The following SEC22A variants were observed in gnomAD, a reference collection of about 807,000 sequenced individuals.
The protein encoded by SEC22A is vesicle-trafficking protein SEC22a.
In SEC22A, 22 loss-of-function variants were observed where a neutral mutation model predicts 35.3. That is an observed-to-expected ratio of 0.62 (90% CI 0.45 to 0.89). SEC22A has a LOEUF of 0.89. SEC22A is among the 40% of genes least tolerant of loss of function. SEC22A has a pLI of 0.00. For missense variants in SEC22A, 354 were observed against 362.5 expected (o/e 0.98, Z 0.19); for synonymous variants, 119 against 129.5 (o/e 0.92, Z 0.55).
At chr3:123,259,199 A>C (rs556385611) in intron 5 of SEC22A, among the ~76,000 whole-genome samples, 1 of 152,296 alleles carries the variant, frequency 6.6e-6, no homozygotes, top group Non-Finnish European at 1.5e-5. Context: ...GGGGTGTTGT[A>C]CATTTTTACA....
intron 6 of SEC22A, among the ~76,000 whole-genome samples, chr3:123,264,572 A>G (rs1409513575): frequency 6.6e-6 from 1 of 150,736 alleles, no homozygotes; most frequent in Non-Finnish European, 1.5e-5. Flanking sequence ...GATGCTAAAC[A>G]TTGTTTCATG....
chr3:123,225,296 T>C lies in SEC22A; in HGVS notation c.540T>C (p.Ser180=). 6.3e-7 allele frequency: 1 copy of C among 1,584,586 alleles called. No individual in the cohort carries two copies. The highest frequency in any genetic ancestry group is 8.6e-7 in the Non-Finnish European group (1 of 1,160,220). ...VDCKGAGKIS[S]AHQRLEPATL... Reference sequence around the variant, plus strand: ...GTAAAGGTGCTGGTAAGATTTCTTCTGGTGAGTTCTGGATCTCAGTTATTT... The same window carrying C: ...GTAAAGGTGCTGGTAAGATTTCTTCCGGTGAGTTCTGGATCTCAGTTATTT... The change falls in exon 4 of 7, where the codon TCT becomes TCC. Residue 180 remains serine (S), a splice_region_variant and synonymous_variant. Coordinates refer to ENST00000492595, the MANE Select transcript of SEC22A (RefSeq NM_012430.5).
rs533386545 is a variant in SEC22A, at chr3:123,260,131, C to CAAAAA, written c.723+576_723+580dup. On this transcript the variant is annotated intron_variant, in intron 6 of 6. Transcript: ENST00000492595. ...TGGGCAACAGAGCGAGACTACATCTCAAAAAAAAAAAAAAAAAAAAAAAAA... is the reference window on the plus strand; with the variant it reads ...TGGGCAACAGAGCGAGACTACATCTCAAAAAAAAAAAAAAAAAAAAAAAAAAAAAA... Among the ~76,000 whole-genome samples, 13 of 49,784 alleles carry CAAAAA rather than the reference C, an allele frequency of 2.6e-4. 3 individuals carry two copies. The highest frequency in any genetic ancestry group is 1.3e-3 in the African/African-American group (13 of 10,160). The allele number at this position is 49,784 out of a possible 152,430, so 32.7% of individuals were successfully genotyped here. A position where few individuals can be genotyped will look rare whatever the true frequency, so the allele number is the denominator to read the frequency against.
At chr3:123,259,634 A>T in intron 6 of SEC22A, 45 bp downstream of exon 6, 1 of 1,291,706 alleles carries the variant, frequency 7.7e-7, no homozygotes, top group Admixed American at 1.7e-5. Context: ...ATTATTGTTT[A>T]CTTCGGGTAT....
chr3:123,236,175 A>T (rs897497674), intron 4 of SEC22A, among the ~76,000 whole-genome samples: 1 of 152,202 alleles, frequency 6.6e-6, no homozygotes, highest in African/African-American at 2.4e-5. Flanking sequence ...TGTGTGTTTT[A>T]AAAGTATTAA....
Position 123,211,420 on chromosome 3 carries a change from T to G in SEC22A, c.182+2021T>G, listed in dbSNP as rs539936451. 2.6e-5 allele frequency among the ~76,000 whole-genome samples: 4 copies of G among 152,198 alleles called. No individual in the cohort carries two copies. In the East Asian group the frequency reaches 7.8e-4, roughly 30 times the overall value. The stretch of plus-strand genomic sequence containing the variant: ...AATGAGATCTTTGGAACAGACTGTT[T>G]ATGAGGTGTGAGGCAGAAGAGAAAG... On this transcript the variant is annotated intron_variant, in intron 2 of 6. Transcript: ENST00000492595.
At chr3:123,261,317 T>A (rs1012368867) in intron 6 of SEC22A, among the ~76,000 whole-genome samples, 3 of 152,172 alleles carry the variant, frequency 2.0e-5, no homozygotes, top group African/African-American at 7.2e-5. Context: ...TTAATTTCTA[T>A]CCTGTCACAA....
At chr3:123,267,780 A>G (rs1314331827) in intron 6 of SEC22A, among the ~76,000 whole-genome samples, 1 of 152,070 alleles carries the variant, frequency 6.6e-6, no homozygotes, top group Non-Finnish European at 1.5e-5. Flanking sequence ...TTAATCTTTC[A>G]TCTGATAAAT....
chr3:123,206,053 A>G (rs927178072), intron 1 of SEC22A, among the ~76,000 whole-genome samples: 7 of 152,230 alleles, frequency 4.6e-5, no homozygotes, highest in Admixed American at 4.6e-4. Flanking sequence ...AATGAAGTCT[A>G]TTCATAATAT....
intron 4 of SEC22A, among the ~76,000 whole-genome samples, chr3:123,230,053 T>A (rs1364191282): frequency 6.6e-6 from 1 of 152,008 alleles, no homozygotes; most frequent in Non-Finnish European, 1.5e-5. Flanking sequence ...GAGGCCAAAG[T>A]GGGAGGATCC....
At chr3:123,252,217 C>A (rs1937622860) in intron 5 of SEC22A, among the ~76,000 whole-genome samples, 1 of 152,126 alleles carries the variant, frequency 6.6e-6, no homozygotes, top group Non-Finnish European at 1.5e-5. Context: ...AGTCTTAAGA[C>A]ATACTCTTAG....
At chr3:123,209,614 C>T (rs1396395389) in intron 2 of SEC22A, among the ~76,000 whole-genome samples, 1 of 152,192 alleles carries the variant, frequency 6.6e-6, no homozygotes. Flanking sequence ...TTGTGCAGAT[C>T]ATAGATATCC....
chr3:123,209,119 A>G, intron 1 of SEC22A, 80 bp from the exon 2 acceptor site: 2 of 1,083,742 alleles, frequency 1.8e-6, no homozygotes, highest in East Asian at 4.9e-5. Context: ...TTATATTACT[A>G]GTAAGTTGAA....
intron 4 of SEC22A, among the ~76,000 whole-genome samples, chr3:123,237,703 C>A (rs1937446189): frequency 6.6e-6 from 1 of 152,072 alleles, no homozygotes; most frequent in Non-Finnish European, 1.5e-5. Flanking sequence ...GGTGGGGGTC[C>A]AACTTGACTT....
chr3:123,215,041 T>G (rs1014611037), intron 2 of SEC22A, among the ~76,000 whole-genome samples: 1 of 152,224 alleles, frequency 6.6e-6, no homozygotes, highest in African/African-American at 2.4e-5. Flanking sequence ...ATTTTCTGAT[T>G]ACTAGAGTAA....
chr3:123,235,743 A>G (rs1000819324), intron 4 of SEC22A, among the ~76,000 whole-genome samples: 2 of 152,218 alleles, frequency 1.3e-5, no homozygotes, highest in African/African-American at 4.8e-5. Context: ...AGCATTATGC[A>G]AAATAATTTA....
At chr3:123,270,491 A>G (rs1559766715) in intron 6 of SEC22A, among the ~76,000 whole-genome samples, 2 of 152,314 alleles carry the variant, frequency 1.3e-5, no homozygotes, top group East Asian at 3.9e-4. Flanking sequence ...TGTGGTTCCT[A>G]TACTTACCAG....
chr3:123,228,820 TA>T (rs1180878528), intron 4 of SEC22A, among the ~76,000 whole-genome samples: 1 of 152,004 alleles, frequency 6.6e-6, no homozygotes, highest in African/African-American at 2.4e-5. Context: ...AAATTATTTT[TA>T]AAAAACACAG....
Position 123,245,930 on chromosome 3 carries a change from A to G in SEC22A, c.573A>G (p.Ser191=). 6.2e-7 allele frequency: 1 copy of G among 1,611,758 alleles called. No homozygotes were observed. The highest frequency in any genetic ancestry group is 8.5e-7 in the Non-Finnish European group (1 of 1,178,214). The part of the protein sequence containing the change: ...AHQRLEPATL[S]GIVGFILSLL... ...AGCGACTGGAACCAGCAACTCTGTCAGGGATTGTAGGATTTATCCTTAGTC... is the reference window on the plus strand; with the variant it reads ...AGCGACTGGAACCAGCAACTCTGTCGGGGATTGTAGGATTTATCCTTAGTC... Residue 191 remains serine, a synonymous_variant, in exon 5 of 7, where the codon TCA becomes TCG. Coordinates refer to ENST00000492595, the MANE Select transcript of SEC22A (RefSeq NM_012430.5).
Sources: gnomAD v4.1 joint callset for allele counts (sites outside exome capture counted in the v4.1 genomes callset) on GRCh38, gnomAD v4.1.1 for gene constraint, MANE v1.5 for transcripts, NCBI Gene and HGNC (gene_info 2026-07-23, HGNC 2026-07-21) for gene names.